The following EXOC2 variants were observed in gnomAD, a reference collection of about 807,000 sequenced individuals.
EXOC2 encodes SEC5-like 1.
EXOC2 carries 70 observed loss-of-function variants against 131.8 expected under a neutral mutation model. That is an observed-to-expected ratio of 0.53 (90% CI 0.44 to 0.65). The LOEUF (loss-of-function observed/expected upper bound fraction) is 0.65, where lower values mean the gene tolerates loss of function less well. Among genes scored for constraint, EXOC2 ranks in the 30% least tolerant of loss-of-function variants. The pLI is 0.00. For missense variants in EXOC2, 923 were observed against 1,108.6 expected, an observed-to-expected ratio of 0.83 and a Z score of 2.38; for synonymous variants, 411 against 398.4, an observed-to-expected ratio of 1.03 and a Z score of -0.38.
intron 22 of EXOC2, among the ~76,000 whole-genome samples, chr6:537,443 A>G (rs1350166447): frequency 6.6e-6 from 1 of 151,336 alleles, no homozygotes; most frequent in Non-Finnish European, 1.5e-5. Flanking sequence ...CGGCCGACGG[A>G]GCGTACACTC....
At chr6:685,412 A>T (rs7768558) in intron 1 of EXOC2, among the ~76,000 whole-genome samples, 1 of 152,060 alleles carries the variant, frequency 6.6e-6, no homozygotes, top group Non-Finnish European at 1.5e-5. Context: ...GCCCAACCTA[A>T]CCTAAGACAG....
intron 1 of EXOC2, among the ~76,000 whole-genome samples, chr6:664,013 T>C (rs1167643290): frequency 2.0e-5 from 3 of 152,194 alleles, no homozygotes; most frequent in Admixed American, 6.5e-5. Flanking sequence ...GCTGAAGATA[T>C]TATCGTTTAC....
chr6:657,210 TAAG>T (rs1030168261), intron 1 of EXOC2: 22 of 355,822 alleles, frequency 6.2e-5, no homozygotes, highest in African/African-American at 4.6e-4. Flanking sequence ...ACTCCGGTTA[TAAG>T]AAGAGTAGGC....
chr6:619,466 G>T lies in EXOC2; in HGVS notation c.500C>A (p.Ala167Glu), dbSNP rs748125880. 6.2e-7 allele frequency: 1 copy of T among 1,614,068 alleles called. No homozygotes were observed. The highest frequency in any genetic ancestry group is 8.5e-7 in the Non-Finnish European group (1 of 1,179,956). ...SADFTSENFS[A>E]AWYLIENHSN... is the part of the protein sequence containing the mutation. ...GTGATTCTCTATAAGATACCAGGCT[G>T]CTGAGAAATTCTCACTTGTAAAATC... Residue 167 changes from alanine (A) to glutamate (E), a missense_variant, in exon 5 of 28, where the codon GCA (alanine) becomes GAA (glutamate). Ala to Glu is a moderately radical substitution (Grantham distance 107). Transcript: ENST00000230449.
chr6:647,999 A>T (rs1275760949), intron 1 of EXOC2, among the ~76,000 whole-genome samples: 1 of 152,174 alleles, frequency 6.6e-6, no homozygotes, highest in African/African-American at 2.4e-5. Context: ...ACACTGGTTC[A>T]TTTGCAACAA....
chr6:501,206 A>C lies in EXOC2; in HGVS notation c.2381-1506T>G, dbSNP rs867669897. Among the ~76,000 whole-genome samples, 39 of 30,096 alleles carry C rather than the reference A, an allele frequency of 1.3e-3. 1 individual carries two copies. In the Admixed American group the frequency reaches 0.015, roughly 12 times the overall value. The allele number at this position is 30,096 out of a possible 152,430, so 19.7% of individuals were successfully genotyped here. On this transcript the variant is annotated intron_variant, in intron 23 of 27. Transcript: ENST00000230449. The stretch of plus-strand genomic sequence containing the variant: ...TATTATATATATCTATATATATTAT[A>C]TATATATTATATATATCTATATATA...
At chr6:562,415 T>C (rs1209965901) in intron 17 of EXOC2, among the ~76,000 whole-genome samples, 1 of 152,260 alleles carries the variant, frequency 6.6e-6, no homozygotes, top group East Asian at 1.9e-4. Context: ...TGGTTGTTTT[T>C]GTTTGTTTGG....
chr6:578,788 T>C lies in EXOC2; in HGVS notation c.1193-1906A>G, dbSNP rs544417998. On this transcript the variant is annotated intron_variant, in intron 11 of 27. Coordinates refer to ENST00000230449, the MANE Select transcript of EXOC2 (RefSeq NM_018303.6). ...AAAAAAATGTGACAGAGAAAAAAAATACAGTGAAGAAAGTATTTTTTTCTA... is the reference window on the plus strand; with the variant it reads ...AAAAAAATGTGACAGAGAAAAAAAACACAGTGAAGAAAGTATTTTTTTCTA... Among the ~76,000 whole-genome samples the C allele has an allele frequency of 7.2e-5, 11 of 152,166 alleles. No individual in the cohort carries two copies. In the South Asian group the frequency reaches 2.1e-3, roughly 29 times the overall value.
chr6:497,734 T>C (rs1434542777), intron 24 of EXOC2, among the ~76,000 whole-genome samples: 2 of 152,248 alleles, frequency 1.3e-5, no homozygotes, highest in African/African-American at 4.8e-5. Context: ...GCATTACTGA[T>C]GTTGACAAAA....
At chr6:608,584 T>C (rs1760549745) in intron 7 of EXOC2, among the ~76,000 whole-genome samples, 1 of 152,146 alleles carries the variant, frequency 6.6e-6, no homozygotes, top group Admixed American at 6.5e-5. Flanking sequence ...TAAAGGAATA[T>C]ATGGAAAAAG....
intron 25 of EXOC2, among the ~76,000 whole-genome samples, chr6:495,257 C>T (rs1234502806): frequency 6.6e-6 from 1 of 151,930 alleles, no homozygotes; most frequent in Non-Finnish European, 1.5e-5. Context: ...TCCCGAGTAG[C>T]TGGGACTACA....
At chr6:511,525 G>A (rs1220075030) in intron 23 of EXOC2, among the ~76,000 whole-genome samples, 1 of 152,214 alleles carries the variant, frequency 6.6e-6, no homozygotes, top group African/African-American at 2.4e-5. Flanking sequence ...CATCTGTTTA[G>A]ATGGCTAAAA....
chr6:669,977 T>C (rs1244852778), intron 1 of EXOC2: 1 of 152,218 alleles, frequency 6.6e-6, no homozygotes, highest in Non-Finnish European at 1.5e-5. Context: ...TCCATAGACA[T>C]GTAAAGGGAA....
chr6:499,430 AACACACACACACACACACACAC>A (rs5873755), intron 24 of EXOC2, among the ~76,000 whole-genome samples, 193 bp downstream of exon 24: 1 of 141,642 alleles, frequency 7.1e-6, no homozygotes, highest in East Asian at 2.1e-4. Flanking sequence ...CTCACAGTTA[AACACACACACACACACACACAC>A]ACACACACAC....
chr6:486,836 G>A, intron 27 of EXOC2, 72 bp from the exon 28 acceptor site: 1 of 1,208,792 alleles, frequency 8.3e-7, no homozygotes. Flanking sequence ...AACACCAGGG[G>A]AGCCAGTGCC....
chr6:553,637 G>T (rs1041268465), intron 21 of EXOC2, among the ~76,000 whole-genome samples: 1 of 152,070 alleles, frequency 6.6e-6, no homozygotes, highest in African/African-American at 2.4e-5. Context: ...GACAGTATAT[G>T]GAATGACTGA....
chr6:569,763 T>C (rs894900468), intron 13 of EXOC2, among the ~76,000 whole-genome samples: 16 of 152,250 alleles, frequency 1.1e-4, no homozygotes, highest in Non-Finnish European at 2.4e-4. Context: ...TTTAAGTTTA[T>C]AAACATAGAC....
chr6:564,589 G>A lies in EXOC2; in HGVS notation c.1623C>T (p.Cys541=), dbSNP rs750086195. The A allele has an allele frequency of 2.2e-5, 35 of 1,613,980 alleles. No homozygotes were observed. In the East Asian group the frequency reaches 6.7e-4, roughly 31 times the overall value. The change falls in exon 15 of 28, where the codon TGC becomes TGT. Residue 541 remains cysteine, a synonymous_variant. Coordinates refer to ENST00000230449, the MANE Select transcript of EXOC2 (RefSeq NM_018303.6). ...GAGCGAGCCACTGTCCGGAGAGCTC[G>A]CACTTCACCTCCCAGCCTCCGTACT... is the stretch of plus-strand genomic sequence containing the variant. ...AKQYGGWEVK[C]ELSGQWLAHA...
intron 1 of EXOC2, among the ~76,000 whole-genome samples, chr6:665,695 C>T (rs944869936): frequency 6.6e-6 from 1 of 151,658 alleles, no homozygotes; most frequent in Admixed American, 6.6e-5. Context: ...AACCAAACAT[C>T]GTGTGTTCTC....
Sources: allele counts gnomAD v4.1 joint callset (sites outside exome capture counted in the v4.1 genomes callset), GRCh38; gene constraint gnomAD v4.1.1; transcripts MANE v1.5; gene names NCBI Gene and HGNC (gene_info 2026-07-23, HGNC 2026-07-21).